Variants in MAP3K5 observed in about 807,000 individuals in gnomAD.
MAP3K5 encodes the protein ASK-1.
In MAP3K5, 56 loss-of-function variants were observed where a neutral mutation model predicts 158.7. That is an observed-to-expected ratio of 0.35 (90% CI 0.28 to 0.44). MAP3K5 has a LOEUF of 0.44. MAP3K5 is among the 20% of genes least tolerant of loss of function. The probability of loss-of-function intolerance (pLI) is 1.00; values close to 1 mark genes in which losing one functional copy is unlikely to be tolerated. For synonymous variants in MAP3K5, 579 were observed against 601.7 expected (o/e 0.96, Z 0.55); for missense variants, 1,294 against 1,674.8 (o/e 0.77, Z 3.97).
chr6:136,762,109 AT>A (rs1198486450), intron 1 of MAP3K5, among the ~76,000 whole-genome samples: 1 of 152,202 alleles, frequency 6.6e-6, no homozygotes, highest in African/African-American at 2.4e-5. Flanking sequence ...TTATGCAAAT[AT>A]TTTTTGTTTC....
intron 15 of MAP3K5, among the ~76,000 whole-genome samples, chr6:136,619,350 C>A (rs1483433460): frequency 6.6e-6 from 1 of 152,142 alleles, no homozygotes; most frequent in Non-Finnish European, 1.5e-5. Context: ...AGTAAGGGTT[C>A]TGGGTTTCAT....
In MAP3K5 at chr6:136,624,014, C is replaced by CAA. The variant is rs147183049; in HGVS notation, c.2017-1035_2017-1034dup. ...TTTGAGACCAGCCTAGCCAACATGG[C>CAA]AAAACCCTGTCTCTACTGAAAATAC... On this transcript the variant is annotated intron_variant, in intron 14 of 29. Coordinates refer to ENST00000359015, the MANE Select transcript of MAP3K5 (RefSeq NM_005923.4). 0.014 allele frequency among the ~76,000 whole-genome samples: 2,086 copies of CAA among 152,130 alleles called. 119 individuals carry two copies. The East Asian group carries it at 0.15, about 11-fold the overall frequency.
chr6:136,697,367 A>T lies in MAP3K5; in HGVS notation c.827T>A (p.Ile276Lys), dbSNP rs1669115213. Residue 276 changes from isoleucine (I) to lysine (K), a missense_variant, in exon 5 of 30, where the codon ATA (isoleucine) becomes AAA (lysine). Around this residue, in one of 5 missense-constraint regions of MAP3K5, gnomAD observed 690 missense variants for 870.5 expected, o/e 0.79. Coordinates refer to ENST00000359015, the MANE Select transcript of MAP3K5 (RefSeq NM_005923.4). ...ASSSQYFRES[I>K]LNDIRKARNL... ...ACGAGCTTTCCTGATGTCATTGAGTATAGATTCCCGGAAGTACTGGCTGGT... is the reference window on the plus strand; with the variant it reads ...ACGAGCTTTCCTGATGTCATTGAGTTTAGATTCCCGGAAGTACTGGCTGGT... 1 of 1,610,436 alleles carries T rather than the reference A, an allele frequency of 6.2e-7. No homozygotes were observed. Among genetic ancestry groups the T allele is most frequent in the South Asian group, 1.1e-5 (1 of 90,518 alleles).
At chr6:136,669,546 C>T (rs1408505854) in intron 7 of MAP3K5, 151 bp from the exon 8 acceptor site, 3 of 580,560 alleles carry the variant, frequency 5.2e-6, no homozygotes, top group African/African-American at 1.9e-5. Context: ...TAGGACTTAA[C>T]GCTTCAGAAA....
intron 25 of MAP3K5, among the ~76,000 whole-genome samples, chr6:136,573,416 C>G (rs1188381619): frequency 6.6e-6 from 1 of 152,212 alleles, no homozygotes; most frequent in African/African-American, 2.4e-5. Flanking sequence ...TAGAACTTCT[C>G]AGCCTCCATA....
At chr6:136,673,425 CTACAGA>C (rs1779568396) in intron 7 of MAP3K5, among the ~76,000 whole-genome samples, 1 of 152,018 alleles carries the variant, frequency 6.6e-6, no homozygotes, top group Non-Finnish European at 1.5e-5. Flanking sequence ...AAAAGCTGAC[CTACAGA>C]TAATTCGGAT....
intron 7 of MAP3K5, among the ~76,000 whole-genome samples, chr6:136,669,906 T>TGC (rs1374782611): frequency 6.6e-6 from 1 of 151,484 alleles, no homozygotes; most frequent in East Asian, 1.9e-4. Flanking sequence ...TGTGTGTGTG[T>TGC]GTGTGTGTGT....
chr6:136,754,142 G>A (rs1254482928), intron 1 of MAP3K5, among the ~76,000 whole-genome samples: 2 of 151,960 alleles, frequency 1.3e-5, no homozygotes, highest in Admixed American at 6.6e-5. Context: ...GCCTGGTGGC[G>A]GGCGCCTGTA....
At chr6:136,757,943 G>C (rs904350155) in intron 1 of MAP3K5, among the ~76,000 whole-genome samples, 1 of 152,152 alleles carries the variant, frequency 6.6e-6, no homozygotes, top group African/African-American at 2.4e-5. Context: ...ATATTTTAGG[G>C]AACACAAAAA....
intron 1 of MAP3K5, among the ~76,000 whole-genome samples, chr6:136,778,267 G>A (rs144535371): frequency 6.6e-6 from 1 of 152,014 alleles, no homozygotes; most frequent in East Asian, 1.9e-4. Context: ...AAAAATAAGT[G>A]GGGGTCTAAT....
intron 2 of MAP3K5, among the ~76,000 whole-genome samples, chr6:136,711,096 C>G (rs575072835): frequency 1.1e-4 from 16 of 152,098 alleles, no homozygotes; most frequent in Middle Eastern, 3.4e-3. Context: ...AGCCGTGACA[C>G]AGAGTCTTTA....
intron 2 of MAP3K5, among the ~76,000 whole-genome samples, chr6:136,715,770 C>T (rs373463319): frequency 1.4e-4 from 21 of 152,182 alleles, no homozygotes; most frequent in African/African-American, 3.9e-4. Flanking sequence ...GTGGTTCACA[C>T]CTGTAATCCC....
intron 1 of MAP3K5, among the ~76,000 whole-genome samples, chr6:136,740,068 C>T (rs1206217068): frequency 6.6e-6 from 1 of 152,206 alleles, no homozygotes; most frequent in East Asian, 1.9e-4. Context: ...TTCTCAGACA[C>T]AAGCTGCTTT....
intron 1 of MAP3K5, among the ~76,000 whole-genome samples, chr6:136,766,106 C>T (rs974010590): frequency 6.6e-6 from 1 of 152,160 alleles, no homozygotes; most frequent in Non-Finnish European, 1.5e-5. Context: ...CTATCTGGTA[C>T]AGCATAAAAC....
chr6:136,590,248 C>T (rs1274818492), intron 23 of MAP3K5, among the ~76,000 whole-genome samples: 1 of 152,110 alleles, frequency 6.6e-6, no homozygotes, highest in Non-Finnish European at 1.5e-5. Flanking sequence ...ACCATGAGCC[C>T]AAATAAACCT....
At chr6:136,720,612 C>T (rs1481465101) in intron 1 of MAP3K5, 23 bp from the exon 2 acceptor site, 2 of 1,593,482 alleles carry the variant, frequency 1.3e-6, no homozygotes, top group Non-Finnish European at 8.6e-7. Context: ...AACAAAGTCC[C>T]CCAAAGAATG....
At chr6:136,637,148 A>G in intron 14 of MAP3K5, 177 bp downstream of exon 14, 1 of 1,395,272 alleles carries the variant, frequency 7.2e-7, no homozygotes, top group Non-Finnish European at 9.4e-7. Flanking sequence ...AGAATTCTCC[A>G]ATGTTTACTT....
Position 136,736,389 on chromosome 6 carries a change from G to A in MAP3K5, c.449-15800C>T, listed in dbSNP as rs116527731. 9.1e-3 allele frequency among the ~76,000 whole-genome samples: 1,380 copies of A among 152,244 alleles called. 16 individuals are homozygous for A. The highest frequency in any genetic ancestry group is 0.031 in the African/African-American group (1,269 of 41,518). ...AAATTTACTTCTTCTAATAGTATCT[G>A]TAATTCTGTTGACATGACAGATGTA... On this transcript the variant is annotated intron_variant, in intron 1 of 29. Coordinates refer to ENST00000359015, the MANE Select transcript of MAP3K5 (RefSeq NM_005923.4).
At chr6:136,697,468 A>C in intron 4 of MAP3K5, 81 bp from the exon 5 acceptor site, 6 of 1,158,762 alleles carry the variant, frequency 5.2e-6, no homozygotes, top group Non-Finnish European at 7.4e-6. Flanking sequence ...TAAAGACATG[A>C]ATGATATTGC....
Sources: gnomAD v4.1 joint callset for allele counts (sites outside exome capture counted in the v4.1 genomes callset) on GRCh38, gnomAD v4.1.1 for gene constraint, gnomAD v4.1.1 regional missense constraint, MANE v1.5 for transcripts, NCBI Gene and HGNC (gene_info 2026-07-23, HGNC 2026-07-21) for gene names.